The following KLHL4 variants were observed in gnomAD, a reference collection of about 807,000 sequenced individuals.
KLHL4 encodes kelch like family member 4.
A neutral mutation model predicts 45.8 loss-of-function variants in KLHL4; 17 were observed. That is an observed-to-expected ratio of 0.37 (90% CI 0.25 to 0.56). The LOEUF is 0.56. Ranked by LOEUF, KLHL4 falls within the 20% of genes least tolerant of loss-of-function variation. The pLI, the probability that KLHL4 is intolerant of heterozygous loss-of-function variation, is 0.79. For synonymous variants in KLHL4, 224 were observed against 189.9 expected (o/e 1.18, Z -1.47); for missense variants, 544 against 544.9 (o/e 1.00, Z 0.02).
intron 8 of KLHL4, among the ~76,000 whole-genome samples, chrX:87,634,565 A>T (rs958875894): frequency 1.8e-5 from 2 of 112,134 alleles, no homozygotes; most frequent in Non-Finnish European, 3.8e-5. Flanking sequence ...TTTAGACAAT[A>T]GGTTGGGTCA....
intron 1 of KLHL4, among the ~76,000 whole-genome samples, chrX:87,573,195 T>TA (rs1274751320): frequency 1.8e-5 from 2 of 111,422 alleles, no homozygotes; most frequent in African/African-American, 6.5e-5. Context: ...GAGGAGTTGT[T>TA]ACATTAGTAT....
At chrX:87,556,214 C>T (rs1424538065) in intron 1 of KLHL4, among the ~76,000 whole-genome samples, 1 of 110,922 alleles carries the variant, frequency 9.0e-6, no homozygotes, top group Non-Finnish European at 1.9e-5. Flanking sequence ...TATAAAGACA[C>T]ATGCACACGT....
At chrX:87,594,714 G>GA (rs766770856) in intron 1 of KLHL4, among the ~76,000 whole-genome samples, 58 of 111,704 alleles carry the variant, frequency 5.2e-4, no homozygotes, top group African/African-American at 1.8e-3. Flanking sequence ...GATGACTCCT[G>GA]AAGAATACTG....
intron 1 of KLHL4, among the ~76,000 whole-genome samples, chrX:87,545,010 G>A (rs758729446): frequency 2.7e-4 from 30 of 112,281 alleles, no homozygotes. Flanking sequence ...TTCAGACAGA[G>A]AATTCAAAAT....
chrX:87,529,332 A>C (rs1931190915), intron 1 of KLHL4, among the ~76,000 whole-genome samples: 1 of 112,032 alleles, frequency 8.9e-6, no homozygotes, highest in South Asian at 3.7e-4. Flanking sequence ...TACTCTGTGC[A>C]TCATTCAATA....
intron 9 of KLHL4, among the ~76,000 whole-genome samples, chrX:87,658,436 C>T (rs1011697939): frequency 9.0e-6 from 1 of 111,450 alleles, no homozygotes; most frequent in African/African-American, 3.3e-5. Context: ...GTCTGGAATG[C>T]GTGCAACACA....
chrX:87,635,535 A>G, intron 8 of KLHL4, 28 bp from the exon 9 acceptor site: 1 of 1,130,976 alleles, frequency 8.8e-7, no homozygotes, highest in Non-Finnish European at 1.2e-6. Context: ...ACACATATAC[A>G]TACACACAAT....
intron 1 of KLHL4, among the ~76,000 whole-genome samples, chrX:87,559,425 A>G (rs547162997): frequency 1.7e-4 from 19 of 111,532 alleles, no homozygotes; most frequent in Admixed American, 5.8e-4. Flanking sequence ...GTATCTTCCC[A>G]TCGGCTCAAT....
At chrX:87,649,092 A>G (rs1318370121) in intron 9 of KLHL4, among the ~76,000 whole-genome samples, 5 of 111,595 alleles carry the variant, frequency 4.5e-5, no homozygotes, top group Non-Finnish European at 9.4e-5. Flanking sequence ...AGTGACATAT[A>G]CACACTGTTT....
chrX:87,522,421 C>T (rs1931020460), intron 1 of KLHL4, among the ~76,000 whole-genome samples: 1 of 112,107 alleles, frequency 8.9e-6, no homozygotes, highest in East Asian at 2.8e-4. Flanking sequence ...CATATATTTT[C>T]TCCTGCCCCC....
At chrX:87,526,422 T>TTGGAGAGATAAAG (rs1160829517) in intron 1 of KLHL4, among the ~76,000 whole-genome samples, 15 of 111,996 alleles carry the variant, frequency 1.3e-4, no homozygotes, top group Non-Finnish European at 2.4e-4. Context: ...TATGGCATAG[T>TTGGAGAGATAAAG]TGGAGAGATA....
At chrX:87,525,024 T>C (rs994500580) in intron 1 of KLHL4, among the ~76,000 whole-genome samples, 1 of 111,822 alleles carries the variant, frequency 8.9e-6, no homozygotes. Flanking sequence ...AATGGGCTGT[T>C]ACTGTCTCTA....
At chrX:87,569,470 A>G (rs1189128171) in intron 1 of KLHL4, among the ~76,000 whole-genome samples, 2 of 111,396 alleles carry the variant, frequency 1.8e-5, no homozygotes, top group Admixed American at 9.6e-5. Context: ...ACTCCTAGGT[A>G]TATACTCAAA....
At chrX:87,572,794 TAAA>T (rs59585746) in intron 1 of KLHL4, among the ~76,000 whole-genome samples, 3 of 77,856 alleles carry the variant, frequency 3.9e-5, no homozygotes, top group Non-Finnish European at 7.5e-5. Context: ...TAAAGTATAA[TAAA>T]AAAAAAAAAC....
chrX:87,663,731 T>A (rs966706316), intron 9 of KLHL4, among the ~76,000 whole-genome samples: 5 of 112,418 alleles, frequency 4.4e-5, no homozygotes, highest in African/African-American at 1.6e-4. Flanking sequence ...TTTAAAGTGA[T>A]ATGCTACATG....
rs1449168326 is a variant in KLHL4, at chrX:87,518,230, A to G, written c.337A>G (p.Lys113Glu). Reference protein sequence around the residue: ...NEDTPKSVPEKNLFKEACEKR... With the variant: ...NEDTPKSVPEENLFKEACEKR... ...AGATACTCCTAAATCAGTTCCAGAG[A>G]AGAATTTATTCAAAGAAGCTTGTGA... is the stretch of plus-strand genomic sequence containing the variant. The change falls in exon 1 of 11, where the codon AAG (lysine) becomes GAG (glutamate). Residue 113 changes from lysine (K) to glutamate (E), a missense_variant. By Grantham distance (56) the Lys-to-Glu change is moderately conservative. Transcript: ENST00000373119. 1.7e-6 allele frequency: 2 copies of G among 1,209,897 alleles called. No homozygotes were observed. The highest frequency in any genetic ancestry group is 3.5e-5 in the African/African-American group (2 of 57,295).
chrX:87,572,794 T>TAAAA (rs59585746), intron 1 of KLHL4, among the ~76,000 whole-genome samples: 1 of 77,856 alleles, frequency 1.3e-5, no homozygotes, highest in Non-Finnish European at 2.5e-5. Context: ...TAAAGTATAA[T>TAAAA]AAAAAAAAAA....
intron 1 of KLHL4, among the ~76,000 whole-genome samples, chrX:87,566,073 C>T (rs973570547): frequency 3.4e-5 from 3 of 88,555 alleles, no homozygotes; most frequent in Non-Finnish European, 6.5e-5. Flanking sequence ...ACATGTATCC[C>T]AGAACTTAAA....
chrX:87,647,320 A>G (rs1338597006), intron 9 of KLHL4, among the ~76,000 whole-genome samples: 1 of 111,993 alleles, frequency 8.9e-6, no homozygotes, highest in East Asian at 2.8e-4. Context: ...TATGGAAAAC[A>G]GTGTGGAGAT....
Sources: allele counts gnomAD v4.1 joint callset (sites outside exome capture counted in the v4.1 genomes callset), GRCh38; gene constraint gnomAD v4.1.1; transcripts MANE v1.5; gene names NCBI Gene and HGNC (gene_info 2026-07-23, HGNC 2026-07-21).